The following PLD5 variants were observed in gnomAD, a reference collection of about 807,000 sequenced individuals.
The protein encoded by PLD5 is phospholipase D family member 5, also known as inactive phospholipase D5.
A neutral mutation model predicts 61.1 loss-of-function variants in PLD5; 36 were observed. The observed-to-expected ratio is 0.59, with a 90% CI of 0.45 to 0.78. The LOEUF is 0.78. PLD5 is among the 30% of genes least tolerant of loss of function. The pLI, the probability that PLD5 is intolerant of heterozygous loss-of-function variation, is 0.00. For synonymous variants in PLD5, 243 were observed against 242.8 expected, an observed-to-expected ratio of 1.00 and a Z score of -0.01; for missense variants, 515 against 644.4, an observed-to-expected ratio of 0.80 and a Z score of 2.17.
chr1:242,462,674 C>A (rs1033143536), intron 1 of PLD5, among the ~76,000 whole-genome samples: 1 of 151,964 alleles, frequency 6.6e-6, no homozygotes, highest in African/African-American at 2.4e-5. Context: ...GGACTGTAAC[C>A]CTCTCCAGGG....
intron 1 of PLD5, among the ~76,000 whole-genome samples, chr1:242,471,702 A>G (rs1667452817): frequency 6.6e-6 from 1 of 152,190 alleles, no homozygotes; most frequent in Admixed American, 6.5e-5. Context: ...ACAATACACA[A>G]TGACAACACT....
In PLD5 at chr1:242,397,112, G is replaced by A. The variant is rs144376938; in HGVS notation, c.190-48870C>T. 1.8e-4 allele frequency among the ~76,000 whole-genome samples: 28 copies of A among 151,880 alleles called. No individual in the cohort carries two copies. The East Asian group carries it at 5.2e-3, about 28-fold the overall frequency. Reference sequence around the variant, plus strand: ...CTTCTTTTTCCTAGATCTACCAATCGTCTCACCTAATATCATTATTTTAAA... The same window carrying A: ...CTTCTTTTTCCTAGATCTACCAATCATCTCACCTAATATCATTATTTTAAA... On this transcript the variant is annotated intron_variant, in intron 1 of 9. Transcript: ENST00000536534.
intron 2 of PLD5, among the ~76,000 whole-genome samples, chr1:242,289,698 C>T (rs1190502514): frequency 6.6e-6 from 1 of 152,138 alleles, no homozygotes; most frequent in Non-Finnish European, 1.5e-5. Context: ...TATGAAAATA[C>T]CTGTTAGGTG....
intron 1 of PLD5, among the ~76,000 whole-genome samples, chr1:242,500,100 A>T (rs1418710956): frequency 6.6e-6 from 1 of 152,120 alleles, no homozygotes; most frequent in African/African-American, 2.4e-5. Context: ...GTCTTTTATG[A>T]TCAAGCCTTG....
chr1:242,510,188 C>G (rs927184644), intron 1 of PLD5, among the ~76,000 whole-genome samples: 1 of 151,958 alleles, frequency 6.6e-6, no homozygotes, highest in Non-Finnish European at 1.5e-5. Context: ...ACCCCTTTCC[C>G]GCACGCAGGC....
At chr1:242,227,661 G>A (rs930156533) in intron 4 of PLD5, among the ~76,000 whole-genome samples, 1 of 152,204 alleles carries the variant, frequency 6.6e-6, no homozygotes, top group Non-Finnish European at 1.5e-5. Context: ...ACCGTGCCCA[G>A]CCCTCTTCAC....
chr1:242,431,502 A>C (rs956266260), intron 1 of PLD5, among the ~76,000 whole-genome samples: 6 of 152,212 alleles, frequency 3.9e-5, no homozygotes, highest in Non-Finnish European at 7.3e-5. Flanking sequence ...TCAAACGATA[A>C]AATATGTGGT....
intron 1 of PLD5, among the ~76,000 whole-genome samples, chr1:242,515,746 T>C (rs932938179): frequency 6.6e-6 from 1 of 152,246 alleles, no homozygotes; most frequent in South Asian, 2.1e-4. Context: ...ACTAAAATAA[T>C]GCTTCGGTAA....
intron 1 of PLD5, among the ~76,000 whole-genome samples, chr1:242,512,415 C>CGA (rs1491491208): frequency 5.8e-5 from 7 of 120,372 alleles, no homozygotes; most frequent in African/African-American, 2.2e-4. Flanking sequence ...GACTCCATCT[C>CGA]AAAAAAAAAA....
At chr1:242,517,171 A>C (rs1027754344) in intron 1 of PLD5, among the ~76,000 whole-genome samples, 1 of 149,328 alleles carries the variant, frequency 6.7e-6, no homozygotes, top group South Asian at 2.1e-4. Flanking sequence ...CACATTTTCA[A>C]TTCTTATATT....
At chr1:242,184,899 A>C (rs1442820339) in intron 5 of PLD5, among the ~76,000 whole-genome samples, 3 of 152,140 alleles carry the variant, frequency 2.0e-5, no homozygotes, top group African/African-American at 7.2e-5. Context: ...AACAGATGAG[A>C]TCCAAGAGTC....
chr1:242,338,899 A>T (rs1659679526), intron 2 of PLD5, among the ~76,000 whole-genome samples: 1 of 152,182 alleles, frequency 6.6e-6, no homozygotes, highest in Non-Finnish European at 1.5e-5. Context: ...CCTTCACTTA[A>T]AATCAAGCTA....
chr1:242,159,398 A>T (rs1222609187), intron 5 of PLD5, among the ~76,000 whole-genome samples: 1 of 152,126 alleles, frequency 6.6e-6, no homozygotes, highest in East Asian at 1.9e-4. Flanking sequence ...CCCTCAGGTT[A>T]GGTCTCTCCT....
At chr1:242,486,308 T>C (rs1355720430) in intron 1 of PLD5, among the ~76,000 whole-genome samples, 1 of 152,062 alleles carries the variant, frequency 6.6e-6, no homozygotes, top group East Asian at 1.9e-4. Context: ...ATGTTTGCAA[T>C]CTACTCATCT....
rs148455119 is a variant in PLD5, at chr1:242,455,265, C to T, written c.189+68823G>A. On this transcript the variant is annotated intron_variant, in intron 1 of 9. Transcript: ENST00000536534. ...GATGAAGATAATCCAGATGCAAATT[C>T]TAAGCATTAAGATACTTGATTTTTT... Among the ~76,000 whole-genome samples, 102 of 152,322 alleles carry T rather than the reference C, an allele frequency of 6.7e-4. 1 individual carries two copies. The highest frequency in any genetic ancestry group is 2.3e-3 in the African/African-American group (96 of 41,564).
intron 1 of PLD5, among the ~76,000 whole-genome samples, chr1:242,434,725 T>C (rs922301361): frequency 1.3e-5 from 2 of 152,172 alleles, no homozygotes; most frequent in Non-Finnish European, 2.9e-5. Context: ...GTCATTCTCC[T>C]GCCTCAGCCT....
chr1:242,297,215 G>A (rs1477549310), intron 2 of PLD5, among the ~76,000 whole-genome samples: 2 of 152,026 alleles, frequency 1.3e-5, no homozygotes, highest in East Asian at 3.9e-4. Context: ...ATGGTGGCAT[G>A]TGCCTGTAGT....
intron 2 of PLD5, among the ~76,000 whole-genome samples, chr1:242,320,803 T>C (rs1268630169): frequency 6.6e-6 from 1 of 152,202 alleles, no homozygotes; most frequent in Non-Finnish European, 1.5e-5. Context: ...CAGGTCCCAC[T>C]CCCACAGGTT....
chr1:242,415,109 T>C (rs7545843), intron 1 of PLD5, among the ~76,000 whole-genome samples: 67,372 of 152,058 alleles, frequency 0.44, 16,524 homozygotes, highest in African/African-American at 0.66. Context: ...CACACTGTTG[T>C]TGAGGCTGAG....
Sources: gnomAD v4.1 joint callset for allele counts (sites outside exome capture counted in the v4.1 genomes callset) on GRCh38, gnomAD v4.1.1 for gene constraint, MANE v1.5 for transcripts, NCBI Gene and HGNC (gene_info 2026-07-23, HGNC 2026-07-21) for gene names.